CREB5: variants seen among roughly 807,000 people sequenced by gnomAD.
The protein encoded by CREB5 is cyclic AMP-responsive element-binding protein 5.
Under a neutral mutation model 57.1 loss-of-function variants are expected in CREB5, and 19 were observed. That is an observed-to-expected ratio of 0.33 (90% CI 0.23 to 0.49). CREB5 has a LOEUF of 0.49. Among genes scored for constraint, CREB5 ranks in the 20% least tolerant of loss-of-function variants. The pLI is 0.99. For missense variants in CREB5, 579 were observed against 671.6 expected (o/e 0.86, Z 1.52); for synonymous variants, 238 against 238.3 (o/e 1.00, Z 0.01).
intron 4 of CREB5, among the ~76,000 whole-genome samples, chr7:28,560,222 AAGGAG>A (rs1475799397): frequency 6.6e-6 from 1 of 152,126 alleles, no homozygotes; most frequent in East Asian, 1.9e-4. Context: ...AGGCAGAGAG[AAGGAG>A]AGGAAATTCT....
intron 1 of CREB5, among the ~76,000 whole-genome samples, chr7:28,349,426 C>T (rs1041903252): frequency 3.3e-5 from 5 of 151,538 alleles, no homozygotes; most frequent in East Asian, 3.9e-4. Flanking sequence ...GATACAAATT[C>T]CCCCCATTCC....
rs1380956942 is a variant in CREB5 at position 28,560,941 on chromosome 7, CGTGTGTGTGCGTGTGTGT to C, written c.292-9422_292-9405del. Among the ~76,000 whole-genome samples the C allele has an allele frequency of 7.2e-4, 32 of 44,664 alleles. 3 individuals carry two copies. Among genetic ancestry groups the C allele is most frequent in the South Asian group, 3.2e-3 (3 of 942 alleles). 29.3% of individuals were successfully genotyped at this position (44,664 alleles called of 152,430 possible). ...GTGTGTGCGCGTGCGTGTGTGCGTG[CGTGTGTGTGCGTGTGTGT>C]GCGTGTGTGTGTGCGTGTGTGCGTG... is the stretch of plus-strand genomic sequence containing the variant. On this transcript the variant is annotated intron_variant, in intron 4 of 10. Transcript: ENST00000357727.
intron 5 of CREB5, among the ~76,000 whole-genome samples, chr7:28,636,332 G>A (rs1485828967): frequency 6.6e-6 from 1 of 152,086 alleles, no homozygotes; most frequent in Non-Finnish European, 1.5e-5. Flanking sequence ...TGTTTAGAGT[G>A]TTCCAATATG....
At chr7:28,336,490 C>T (rs1330654013) in intron 1 of CREB5, among the ~76,000 whole-genome samples, 2 of 151,704 alleles carry the variant, frequency 1.3e-5, no homozygotes, top group African/African-American at 4.8e-5. Flanking sequence ...CATATTGTTG[C>T]TCATAGTAGC....
chr7:28,755,642 G>A (rs768576866), intron 7 of CREB5, among the ~76,000 whole-genome samples: 3 of 152,110 alleles, frequency 2.0e-5, no homozygotes, highest in African/African-American at 4.8e-5. Flanking sequence ...TCAACTAATA[G>A]TAATAAGAAA....
intron 1 of CREB5, among the ~76,000 whole-genome samples, chr7:28,306,542 TTTTGTTTTTTTTG>T (rs1562649467): frequency 0.016 from 797 of 50,088 alleles, 2 homozygotes; most frequent in South Asian, 0.021. Flanking sequence ...ACAGATACAG[TTTTGTTTTTTTTG>T]TTTTTTTTTT....
At chr7:28,731,907 C>T (rs1027864669) in intron 7 of CREB5, among the ~76,000 whole-genome samples, 7 of 152,272 alleles carry the variant, frequency 4.6e-5, no homozygotes, top group African/African-American at 1.2e-4. Context: ...TGCCAGCCAG[C>T]GTACGAATAC....
intron 1 of CREB5, among the ~76,000 whole-genome samples, chr7:28,320,728 T>C (rs528982948): frequency 6.6e-6 from 1 of 152,346 alleles, no homozygotes; most frequent in African/African-American, 2.4e-5. Flanking sequence ...TAGAAGAATG[T>C]CCACTTCACT....
chr7:28,681,499 G>T (rs1800589385), intron 5 of CREB5, among the ~76,000 whole-genome samples: 1 of 152,084 alleles, frequency 6.6e-6, no homozygotes, highest in Admixed American at 6.6e-5. Context: ...CCCAGTAGCA[G>T]GACTATAGAT....
At chr7:28,567,190 A>C (rs1795518363) in intron 4 of CREB5, among the ~76,000 whole-genome samples, 1 of 152,210 alleles carries the variant, frequency 6.6e-6, no homozygotes, top group Non-Finnish European at 1.5e-5. Context: ...ACATTTTAAA[A>C]AAGGTTTTAC....
At chr7:28,514,604 T>C (rs183215302) in intron 4 of CREB5, among the ~76,000 whole-genome samples, 5 of 152,024 alleles carry the variant, frequency 3.3e-5, no homozygotes, top group African/African-American at 4.8e-5. Flanking sequence ...ACCGTGTTAG[T>C]CAGGATGGTC....
intron 4 of CREB5, among the ~76,000 whole-genome samples, chr7:28,512,016 G>A (rs1467470074): frequency 1.3e-5 from 2 of 152,212 alleles, no homozygotes; most frequent in Non-Finnish European, 2.9e-5. Context: ...AGGATTTGCT[G>A]ATGGTTTAGA....
At chr7:28,801,214 G>C (rs1346721965) in intron 7 of CREB5, among the ~76,000 whole-genome samples, 1 of 152,180 alleles carries the variant, frequency 6.6e-6, no homozygotes, top group Non-Finnish European at 1.5e-5. Context: ...TACATCTGAG[G>C]AACAGGACTG....
At position 28,551,841 on chromosome 7, in the gene CREB5, C is replaced by G. The variant is rs10278556; in HGVS notation, c.292-18524C>G. ...ATGATTTTTCTTTCTTTCTTTCTTT[C>G]TTTTTCTTTCTTTCTTTTCTTTCTT... On this transcript the variant is annotated intron_variant, in intron 4 of 10. Transcript: ENST00000357727. Among the ~76,000 whole-genome samples the G allele has an allele frequency of 6.8e-5, 10 of 147,018 alleles. No individual in the cohort carries two copies. The South Asian group carries it at 1.1e-3, about 16-fold the overall frequency.
chr7:28,737,517 G>C (rs2128754456), intron 7 of CREB5, among the ~76,000 whole-genome samples: 1 of 137,428 alleles, frequency 7.3e-6, no homozygotes, highest in East Asian at 2.2e-4. Context: ...GTGTGTGTGT[G>C]TGTATATATG....
intron 5 of CREB5, among the ~76,000 whole-genome samples, chr7:28,662,413 C>G (rs982450510): frequency 6.6e-6 from 1 of 152,164 alleles, no homozygotes; most frequent in Non-Finnish European, 1.5e-5. Flanking sequence ...GAGTTCCAAA[C>G]GCAATGTGGG....
chr7:28,530,718 C>T (rs1196376981), intron 4 of CREB5, among the ~76,000 whole-genome samples: 1 of 152,088 alleles, frequency 6.6e-6, no homozygotes, highest in Non-Finnish European at 1.5e-5. Context: ...GTCCTTTGAC[C>T]ACAGTTGTGA....
chr7:28,342,684 C>T (rs1583692314), intron 1 of CREB5, among the ~76,000 whole-genome samples: 1 of 152,168 alleles, frequency 6.6e-6, no homozygotes, highest in East Asian at 1.9e-4. Flanking sequence ...CTGTCTGTTC[C>T]ACCTCATGCT....
At chr7:28,320,991 C>T (rs939624130) in intron 1 of CREB5, among the ~76,000 whole-genome samples, 8 of 152,178 alleles carry the variant, frequency 5.3e-5, no homozygotes, top group Non-Finnish European at 1.5e-5. Flanking sequence ...TGGAGCATGG[C>T]TCTGCCACTG....
Sources: gnomAD v4.1 joint callset for allele counts (sites outside exome capture counted in the v4.1 genomes callset) on GRCh38, gnomAD v4.1.1 for gene constraint, MANE v1.5 for transcripts, NCBI Gene and HGNC (gene_info 2026-07-23, HGNC 2026-07-21) for gene names.